The following ZFHX4 variants were observed in gnomAD, a reference collection of about 807,000 sequenced individuals.
ZFHX4 encodes the protein zinc finger homeobox protein 4.
Under a neutral mutation model 267.6 loss-of-function variants are expected in ZFHX4, and 56 were observed. The ratio of observed to expected loss-of-function variants is 0.21; its 90% CI spans 0.17 to 0.26. The LOEUF is 0.26. Among genes scored for constraint, ZFHX4 ranks in the 10% least tolerant of loss-of-function variants. The pLI is 1.00. For missense variants in ZFHX4, 4,332 were observed against 4,420.0 expected, an observed-to-expected ratio of 0.98 and a Z score of 0.56; for synonymous variants, 1,778 against 1,665.6, an observed-to-expected ratio of 1.07 and a Z score of -1.64.
chr8:76,688,553 T>C (rs1422427034), intron 1 of ZFHX4, among the ~76,000 whole-genome samples: 1 of 152,136 alleles, frequency 6.6e-6, no homozygotes, highest in Non-Finnish European at 1.5e-5. Flanking sequence ...GAGACATTTG[T>C]AGTAGGGTCC....
intron 4 of ZFHX4, among the ~76,000 whole-genome samples, chr8:76,821,142 A>G (rs1445522590): frequency 1.3e-5 from 2 of 152,152 alleles, no homozygotes. Context: ...GGTCCATCCT[A>G]TGACACCTGT....
chr8:76,840,947 C>T (rs575149720), intron 5 of ZFHX4, among the ~76,000 whole-genome samples: 20 of 152,260 alleles, frequency 1.3e-4, no homozygotes, highest in South Asian at 6.2e-4. Flanking sequence ...TTATCACTGA[C>T]GGGTGAAAGC....
At position 76,781,878 on chromosome 8, in the gene ZFHX4, T is replaced by C. The variant is rs62516837; in HGVS notation, c.3325+3439T>C. Among the ~76,000 whole-genome samples the C allele has an allele frequency of 1.8e-3, 281 of 152,104 alleles. 1 individual carries two copies. The highest frequency in any genetic ancestry group is 3.1e-3 in the Non-Finnish European group (208 of 67,902). On this transcript the variant is annotated intron_variant, in intron 4 of 10. Transcript: ENST00000651372. ...AGCACCTTGGTTCCTAGCTGGAAAATTGTATAAACACAGATTTTCAATAAG... is the reference window on the plus strand; with the variant it reads ...AGCACCTTGGTTCCTAGCTGGAAAACTGTATAAACACAGATTTTCAATAAG...
At chr8:76,688,058 C>T (rs963482094) in intron 1 of ZFHX4, among the ~76,000 whole-genome samples, 3 of 152,196 alleles carry the variant, frequency 2.0e-5, no homozygotes, top group East Asian at 3.9e-4. Context: ...ATCATTGGGA[C>T]GTAATGTGTA....
intron 1 of ZFHX4, among the ~76,000 whole-genome samples, chr8:76,682,103 G>A (rs1807547187): frequency 6.6e-6 from 1 of 151,940 alleles, no homozygotes; most frequent in African/African-American, 2.4e-5. Flanking sequence ...GGCACTGCCA[G>A]GGGTCTCCGC....
intron 4 of ZFHX4, among the ~76,000 whole-genome samples, chr8:76,821,439 C>G (rs1013938493): frequency 6.6e-6 from 1 of 152,100 alleles, no homozygotes; most frequent in Non-Finnish European, 1.5e-5. Context: ...TTGACCTGTT[C>G]TTTGGCAAAC....
rs775932696 is a variant in ZFHX4, at chr8:76,855,299, A to G, written c.8378A>G (p.Tyr2793Cys). ...AATGCCCCTCCTGCTGAGGCTGGGTATGATCAAAATAAAACCGATTTTGAT... is the reference window on the plus strand; with the variant it reads ...AATGCCCCTCCTGCTGAGGCTGGGTGTGATCAAAATAAAACCGATTTTGAT... ...NLNAPPAEAG[Y>C]DQNKTDFDET... Residue 2793 changes from tyrosine to cysteine, a missense_variant, in exon 10 of 11, where the codon TAT becomes TGT. Physicochemically the swap from Tyr to Cys is radical, Grantham distance 194 (BLOSUM62 -2). Around this residue, in one of 7 missense-constraint regions of ZFHX4, gnomAD observed 1,648 missense variants for 1,625.0 expected, o/e 1.01. Coordinates refer to ENST00000651372, the MANE Select transcript of ZFHX4 (RefSeq NM_024721.5). The G allele has an allele frequency of 7.6e-5, 122 of 1,613,678 alleles. No individual in the cohort carries two copies. Among genetic ancestry groups the G allele is most frequent in the Non-Finnish European group, 8.4e-5 (99 of 1,179,840 alleles).
chr8:76,741,837 ACTC>A (rs1208034270), intron 3 of ZFHX4, among the ~76,000 whole-genome samples: 2 of 152,102 alleles, frequency 1.3e-5, no homozygotes, highest in Non-Finnish European at 2.9e-5. Flanking sequence ...GCTTTTGTGT[ACTC>A]CTCCTGTTTC....
chr8:76,759,281 T>C (rs952069413), intron 3 of ZFHX4, among the ~76,000 whole-genome samples: 1 of 152,176 alleles, frequency 6.6e-6, no homozygotes, highest in African/African-American at 2.4e-5. Flanking sequence ...ATAAAAAAAA[T>C]CTATTCCCCC....
At chr8:76,810,598 G>T (rs562188284) in intron 4 of ZFHX4, among the ~76,000 whole-genome samples, 2 of 152,152 alleles carry the variant, frequency 1.3e-5, no homozygotes, top group African/African-American at 4.8e-5. Context: ...TACAGGTCAC[G>T]TTAGAAGGGT....
intron 4 of ZFHX4, among the ~76,000 whole-genome samples, chr8:76,786,352 A>G (rs1416366363): frequency 6.6e-6 from 1 of 151,058 alleles, no homozygotes; most frequent in Non-Finnish European, 1.5e-5. Flanking sequence ...CTAACAACGT[A>G]TGGAATAGTT....
chr8:76,849,060 G>A lies in ZFHX4; in HGVS notation c.3577G>A (p.Ala1193Thr), dbSNP rs774460681. Reference protein sequence around the residue: ...VAGGTQPLLLAKEEDVATKRS... With the variant: ...VAGGTQPLLLTKEEDVATKRS... ...AGGGGGTACCCAGCCACTCCTGCTG[G>A]CAAAAGAAGAGGATGTTGCAACAAA... is the stretch of plus-strand genomic sequence containing the variant. The change falls in exon 7 of 11, where the codon GCA becomes ACA. Residue 1193 changes from alanine (A) to threonine (T), a missense_variant. Transcript: ENST00000651372. 6.4e-7 allele frequency: 1 copy of A among 1,568,870 alleles called. No homozygotes were observed. The highest frequency in any genetic ancestry group is 1.9e-5 in the Admixed American group (1 of 53,746).
intron 4 of ZFHX4, among the ~76,000 whole-genome samples, chr8:76,800,689 T>A (rs552602093): frequency 1.3e-5 from 2 of 152,298 alleles, no homozygotes; most frequent in South Asian, 4.1e-4. Flanking sequence ...TTATGAATAA[T>A]TTAGGGATCA....
intron 6 of ZFHX4, 42 bp from the exon 7 acceptor site, chr8:76,848,953 T>C: frequency 1.4e-6 from 2 of 1,450,800 alleles, no homozygotes; most frequent in African/African-American, 1.5e-5. Context: ...ATTTCGGAAT[T>C]GTGTTTTTAA....
chr8:76,788,240 G>A (rs577358566), intron 4 of ZFHX4, among the ~76,000 whole-genome samples: 2 of 152,178 alleles, frequency 1.3e-5, no homozygotes, highest in East Asian at 1.9e-4. Context: ...CATTCTTTAT[G>A]TGTTATCCGT....
intron 10 of ZFHX4, among the ~76,000 whole-genome samples, chr8:76,861,390 T>A (rs1048957139): frequency 3.9e-5 from 6 of 152,170 alleles, no homozygotes; most frequent in African/African-American, 1.4e-4. Flanking sequence ...TTTCCTTATT[T>A]AAAAATGGAA....
At chr8:76,682,645 T>C (rs903435767) in intron 1 of ZFHX4, 1 of 152,598 alleles carries the variant, frequency 6.6e-6, no homozygotes, top group African/African-American at 2.4e-5. Flanking sequence ...CAAGAATCTT[T>C]TCCTTTTTAG....
At chr8:76,761,301 T>C (rs1809906015) in intron 3 of ZFHX4, among the ~76,000 whole-genome samples, 1 of 152,228 alleles carries the variant, frequency 6.6e-6, no homozygotes, top group Admixed American at 6.5e-5. Flanking sequence ...TGAAAAATTA[T>C]ATCACCAATA....
chr8:76,864,614 A>G lies in ZFHX4; in HGVS notation c.*49A>G, dbSNP rs748549046. 3.5e-6 allele frequency: 4 copies of G among 1,133,452 alleles called. 1 individual carries two copies. Among genetic ancestry groups the G allele is most frequent in the East Asian group, 6.3e-5 (2 of 31,514 alleles). The allele number at this position is 1,133,452 out of a possible 1,614,324, so 70.2% of individuals were successfully genotyped here. A position where few individuals can be genotyped will look rare whatever the true frequency, so the allele number is the denominator to read the frequency against. On this transcript the variant is annotated 3_prime_UTR_variant, in exon 11 of 11. Transcript: ENST00000651372. ...TAAAAAAATAAAAAATAAAAAAATA[A>G]AAAAAAAATAAGACTTTAACTGCAG... is the stretch of plus-strand genomic sequence containing the variant.
Sources: allele counts gnomAD v4.1 joint callset (sites outside exome capture counted in the v4.1 genomes callset), GRCh38; gene constraint gnomAD v4.1.1; regional missense constraint gnomAD v4.1.1; transcripts MANE v1.5; gene names NCBI Gene and HGNC (gene_info 2026-07-23, HGNC 2026-07-21).